Variants in PPFIBP1 observed in about 807,000 individuals in gnomAD.
The protein encoded by PPFIBP1 is PPFIB scaffold protein 1.
PPFIBP1 carries 112 observed loss-of-function variants against 137.8 expected under a neutral mutation model. That is an observed-to-expected ratio of 0.81 (90% confidence interval 0.70 to 0.95). The LOEUF (loss-of-function observed/expected upper bound fraction) is 0.95. Among genes scored for constraint, PPFIBP1 ranks in the 40% least tolerant of loss-of-function variants. The pLI is 0.00. For missense variants in PPFIBP1, 1,083 were observed against 1,196.6 expected (o/e 0.91, Z 1.40); for synonymous variants, 378 against 417.3 (o/e 0.91, Z 1.15).
intron 1 of PPFIBP1, among the ~76,000 whole-genome samples, chr12:27,551,462 A>C (rs759803618): frequency 6.6e-6 from 1 of 152,228 alleles, no homozygotes. Flanking sequence ...TCCCAAGAGC[A>C]ACAGAGGAGG....
At chr12:27,554,684 T>C (rs954675424) in intron 1 of PPFIBP1, among the ~76,000 whole-genome samples, 1 of 152,146 alleles carries the variant, frequency 6.6e-6, no homozygotes, top group African/African-American at 2.4e-5. Context: ...CATCTAACCG[T>C]GTTTAGCAAA....
Position 27,678,856 on chromosome 12 carries a change from C to CAAAAAAAAAAAAAA in PPFIBP1, c.1616-621_1616-608dup, listed in dbSNP as rs60834907. On this transcript the variant is annotated intron_variant, in intron 19 of 29. Transcript: ENST00000228425. Reference sequence around the variant, plus strand: ...TGGGAAACAGAGTGAGACTCTGTCTCAAAAAAAAAAAAAAAAAAAAAAAAA... The same window carrying CAAAAAAAAAAAAAA: ...TGGGAAACAGAGTGAGACTCTGTCTCAAAAAAAAAAAAAAAAAAAAAAAAAAAAAAAAAAAAAAA... 3.9e-3 allele frequency among the ~76,000 whole-genome samples: 383 copies of CAAAAAAAAAAAAAA among 98,814 alleles called. 13 individuals are homozygous for CAAAAAAAAAAAAAA. The highest frequency in any genetic ancestry group is 0.02 in the East Asian group (53 of 2,690). The allele number at this position is 98,814 out of a possible 152,430, so 64.8% of individuals were successfully genotyped here. A position where few individuals can be genotyped will look rare whatever the true frequency, so the allele number is the denominator to read the frequency against.
chr12:27,619,929 T>C (rs2056165419), intron 2 of PPFIBP1, among the ~76,000 whole-genome samples: 5 of 151,844 alleles, frequency 3.3e-5, no homozygotes, highest in Admixed American at 3.3e-4. Context: ...CATATATATT[T>C]ACTATATGTG....
intron 1 of PPFIBP1, among the ~76,000 whole-genome samples, chr12:27,573,414 G>A (rs1228524649): frequency 6.6e-6 from 1 of 152,152 alleles, no homozygotes; most frequent in Non-Finnish European, 1.5e-5. Context: ...GGTTTTGAGT[G>A]TGTTGCTAGT....
At chr12:27,623,622 C>A (rs2056542023) in intron 2 of PPFIBP1, among the ~76,000 whole-genome samples, 1 of 152,026 alleles carries the variant, frequency 6.6e-6, no homozygotes, top group Non-Finnish European at 1.5e-5. Context: ...GTGGGAGGAT[C>A]ACTTGAGCCC....
intron 1 of PPFIBP1, among the ~76,000 whole-genome samples, chr12:27,567,253 G>C (rs1437986667): frequency 6.6e-6 from 1 of 152,138 alleles, no homozygotes; most frequent in Non-Finnish European, 1.5e-5. Context: ...AGATGAAGAA[G>C]GAACCTGTAG....
chr12:27,686,424 T>C (rs1239816669), intron 24 of PPFIBP1, among the ~76,000 whole-genome samples: 3 of 152,216 alleles, frequency 2.0e-5, no homozygotes, highest in African/African-American at 7.2e-5. Context: ...TTGGTATATT[T>C]GAAAATATTC....
Position 27,687,524 on chromosome 12 carries a change from GA to G in PPFIBP1, c.2370+18del. Reference sequence around the variant, plus strand: ...TCTGATGAGGTAGTGTTTTAAGATTGAGGTTTATAAGCATGCACTTCCCAGG... The same window carrying G: ...TCTGATGAGGTAGTGTTTTAAGATTGGGTTTATAAGCATGCACTTCCCAGG... On this transcript the variant is annotated intron_variant, in intron 25 of 29. Transcript: ENST00000228425. 2 of 1,612,504 alleles carry G rather than the reference GA, an allele frequency of 1.2e-6. No individual in the cohort carries two copies. Among genetic ancestry groups the G allele is most frequent in the South Asian group, 1.1e-5 (1 of 90,956 alleles).
intron 1 of PPFIBP1, among the ~76,000 whole-genome samples, chr12:27,577,375 T>TA (rs758186946): frequency 8.2e-4 from 125 of 152,300 alleles, no homozygotes; most frequent in Non-Finnish European, 1.4e-3. Context: ...CCATACGTCA[T>TA]AATTTTGTCT....
At chr12:27,606,567 A>G (rs545753896) in intron 2 of PPFIBP1, among the ~76,000 whole-genome samples, 39 of 152,258 alleles carry the variant, frequency 2.6e-4, no homozygotes, top group Non-Finnish European at 3.5e-4. Flanking sequence ...GAATACATCC[A>G]GGAGAAATAG....
At chr12:27,648,962 A>G (rs1020330416) in intron 6 of PPFIBP1, among the ~76,000 whole-genome samples, 13 of 152,210 alleles carry the variant, frequency 8.5e-5, no homozygotes, top group African/African-American at 3.1e-4. Context: ...ATAGCCAATA[A>G]TAATTTAATT....
chr12:27,626,308 C>CG (rs34436882), intron 2 of PPFIBP1, among the ~76,000 whole-genome samples: 1 of 152,110 alleles, frequency 6.6e-6, no homozygotes, highest in Non-Finnish European at 1.5e-5. Flanking sequence ...ATGGCTTCTT[C>CG]GGAGCTGTTA....
intron 1 of PPFIBP1, among the ~76,000 whole-genome samples, chr12:27,528,853 C>T (rs549111490): frequency 5.3e-5 from 8 of 152,274 alleles, no homozygotes; most frequent in African/African-American, 1.9e-4. Flanking sequence ...GTGTCTATTT[C>T]TGAAAGGTGG....
rs2061354533 is a variant in PPFIBP1, at chr12:27,688,951, C to T, written c.2497-64C>T. On this transcript the variant is annotated intron_variant, in intron 26 of 29. Coordinates refer to ENST00000228425, the MANE Select transcript of PPFIBP1 (RefSeq NM_003622.4). ...AGAGAAAGCTTTGCAAATTATAAAG[C>T]ACAATACAAACATGTATGATTTGTG... 3.9e-6 allele frequency: 6 copies of T among 1,520,146 alleles called. No homozygotes were observed. The East Asian group carries it at 1.4e-4, about 34-fold the overall frequency. The allele number at this position is 1,520,146 out of a possible 1,614,324, so 94.2% of individuals were successfully genotyped here.
chr12:27,558,977 C>T (rs889409094), intron 1 of PPFIBP1, among the ~76,000 whole-genome samples: 7 of 151,690 alleles, frequency 4.6e-5, no homozygotes, highest in African/African-American at 1.7e-4. Flanking sequence ...GTCTCAGCCT[C>T]CCAACTCTAA....
At chr12:27,674,976 CTGTTTTTTTTTTTCGTT>C (rs1352753392) in intron 17 of PPFIBP1, among the ~76,000 whole-genome samples, 9 of 76,682 alleles carry the variant, frequency 1.2e-4, no homozygotes, top group Non-Finnish European at 2.7e-5. Flanking sequence ...CCATACTCGG[CTGTTTTTTTTTTTCGTT>C]TGTTTTTTTT....
At chr12:27,614,701 G>A (rs747779421) in intron 2 of PPFIBP1, among the ~76,000 whole-genome samples, 1 of 152,148 alleles carries the variant, frequency 6.6e-6, no homozygotes, top group Non-Finnish European at 1.5e-5. Context: ...AGAAAGGACA[G>A]CCTGCAATGC....
intron 2 of PPFIBP1, chr12:27,592,700 A>G: frequency 7.8e-7 from 1 of 1,285,700 alleles, no homozygotes; most frequent in Non-Finnish European, 1.1e-6. Flanking sequence ...GACAGGATTG[A>G]GATCTCTGGA....
intron 3 of PPFIBP1, 124 bp from the exon 4 acceptor site, chr12:27,634,786 A>G: frequency 2.4e-6 from 2 of 817,812 alleles, no homozygotes; most frequent in Non-Finnish European, 4.0e-6. Context: ...ATGTGATTGA[A>G]TTCTCTTTTT....
Sources: allele counts gnomAD v4.1 joint callset (sites outside exome capture counted in the v4.1 genomes callset), GRCh38; gene constraint gnomAD v4.1.1; transcripts MANE v1.5; gene names NCBI Gene and HGNC (gene_info 2026-07-23, HGNC 2026-07-21).